The following USP32 variants were observed in gnomAD, a reference collection of about 807,000 sequenced individuals.
USP32 encodes ubiquitin specific peptidase 32.
In USP32, 59 loss-of-function variants were observed where a neutral mutation model predicts 204.8. The ratio of observed to expected loss-of-function variants is 0.29; its 90% CI spans 0.23 to 0.36. The LOEUF is 0.36. Ranked by LOEUF, USP32 falls within the 10% of genes least tolerant of loss-of-function variation. The pLI, the probability that USP32 is intolerant of heterozygous loss-of-function variation, is 1.00. For missense variants in USP32, 1,160 were observed against 1,946.4 expected, an observed-to-expected ratio of 0.60 and a Z score of 7.60; for synonymous variants, 517 against 678.4, an observed-to-expected ratio of 0.76 and a Z score of 3.70.
chr17:60,381,589 T>C (rs891857474), intron 1 of USP32, among the ~76,000 whole-genome samples: 1 of 152,206 alleles, frequency 6.6e-6, no homozygotes, highest in Non-Finnish European at 1.5e-5. Flanking sequence ...AAGGTACGTA[T>C]GCCCTATGGT....
At chr17:60,371,278 AT>A (rs1489827671) in intron 1 of USP32, among the ~76,000 whole-genome samples, 136 of 147,138 alleles carry the variant, frequency 9.2e-4, no homozygotes, top group Admixed American at 1.8e-3. Context: ...AAAAAAAAAA[AT>A]TAAATGGCCG....
intron 1 of USP32, among the ~76,000 whole-genome samples, chr17:60,403,917 G>C (rs1391294549): frequency 6.6e-6 from 1 of 151,942 alleles, no homozygotes; most frequent in Non-Finnish European, 1.5e-5. Context: ...GCACACGCCT[G>C]TGGGTCCCAG....
intron 26 of USP32, among the ~76,000 whole-genome samples, chr17:60,199,114 C>CA (rs374479254): frequency 0.011 from 910 of 80,962 alleles, 9 homozygotes; most frequent in South Asian, 0.033. Flanking sequence ...AGACCTGTCT[C>CA]AAAAAAAAAA....
In USP32 at chr17:60,188,109, T is replaced by C. The variant is rs373655607; in HGVS notation, c.3642+2454A>G. On this transcript the variant is annotated intron_variant, in intron 29 of 33. Coordinates refer to ENST00000300896, the MANE Select transcript of USP32 (RefSeq NM_032582.4). ...AGCCCTCCAACCTCAGCCTCCCAAG[T>C]AGCTGGGACTACAGGTGCACACCAC... Among the ~76,000 whole-genome samples the C allele has an allele frequency of 1.3e-3, 201 of 152,214 alleles. 1 individual carries two copies. The highest frequency in any genetic ancestry group is 4.5e-3 in the African/African-American group (188 of 41,540).
intron 30 of USP32, among the ~76,000 whole-genome samples, chr17:60,184,311 T>C (rs1409214267): frequency 8.0e-6 from 1 of 124,244 alleles, no homozygotes; most frequent in Non-Finnish European, 1.6e-5. Context: ...TGAGACTCCG[T>C]CTCAAAAAAA....
chr17:60,236,239 C>T lies in USP32; in HGVS notation c.1138G>A (p.Gly380Arg), dbSNP rs547938642. 1.2e-6 allele frequency: 2 copies of T among 1,613,132 alleles called. No individual in the cohort carries two copies. Among genetic ancestry groups the T allele is most frequent in the East Asian group, 2.2e-5 (1 of 44,846 alleles). ...TPEEEGQIIR[G>R]WLERESRYGL... ...TACCTGCTCTCTCGTTCTAACCATC[C>T]TCTGTATGTACAAAAGAAATTAAAT... Residue 380 changes from glycine to arginine, a missense_variant and splice_region_variant, in exon 12 of 34, where the codon GGA becomes AGA. Gly to Arg is a moderately radical substitution (Grantham distance 125). Transcript: ENST00000300896.
At chr17:60,322,809 C>A (rs2088145210) in intron 2 of USP32, among the ~76,000 whole-genome samples, 2 of 152,066 alleles carry the variant, frequency 1.3e-5, no homozygotes, top group South Asian at 4.1e-4. Flanking sequence ...ATGGATTGAG[C>A]CAATTATGCC....
chr17:60,261,464 T>C (rs1373411236), intron 9 of USP32, among the ~76,000 whole-genome samples: 1 of 151,906 alleles, frequency 6.6e-6, no homozygotes, highest in Non-Finnish European at 1.5e-5. Context: ...CTGGGTAACA[T>C]GGCAAAACCC....
At chr17:60,372,650 G>C (rs1320130572) in intron 1 of USP32, among the ~76,000 whole-genome samples, 1 of 150,804 alleles carries the variant, frequency 6.6e-6, no homozygotes, top group Non-Finnish European at 1.5e-5. Flanking sequence ...GACCAGTCTG[G>C]GTAACACAGT....
At chr17:60,296,688 T>C (rs2087438140) in intron 3 of USP32, among the ~76,000 whole-genome samples, 2 of 152,180 alleles carry the variant, frequency 1.3e-5, no homozygotes, top group South Asian at 4.1e-4. Flanking sequence ...AAATATGTGT[T>C]TGTGACTTAA....
intron 2 of USP32, chr17:60,305,339 T>A (rs1177172574): frequency 6.6e-6 from 1 of 152,078 alleles, no homozygotes; most frequent in Non-Finnish European, 1.5e-5. Context: ...GAGGAGGAAG[T>A]ACCAGGCTCC....
intron 1 of USP32, among the ~76,000 whole-genome samples, chr17:60,350,632 C>A (rs2088926055): frequency 6.6e-6 from 1 of 152,122 alleles, no homozygotes; most frequent in Non-Finnish European, 1.5e-5. Flanking sequence ...TATTAGTTAT[C>A]TTCGTATTAG....
chr17:60,183,980 AT>A (rs997116018), intron 30 of USP32, among the ~76,000 whole-genome samples: 4 of 151,934 alleles, frequency 2.6e-5, no homozygotes, highest in Non-Finnish European at 5.9e-5. Flanking sequence ...TTATACCTCA[AT>A]TTTTTTTAAA....
At chr17:60,283,672 C>CT (rs766137278) in intron 5 of USP32, among the ~76,000 whole-genome samples, 4,548 of 140,564 alleles carry the variant, frequency 0.032, 90 homozygotes, top group African/African-American at 0.063. Context: ...ACAAGTTTGC[C>CT]TTTTTTTTTT....
chr17:60,184,809 CAAAAAAAAA>C (rs35566339), intron 30 of USP32, among the ~76,000 whole-genome samples: 2 of 78,506 alleles, frequency 2.5e-5, no homozygotes, highest in African/African-American at 7.0e-5. Context: ...GACCCTGTCT[CAAAAAAAAA>C]AAAAAAAAAA....
At chr17:60,295,455 G>T (rs1419554647) in intron 3 of USP32, among the ~76,000 whole-genome samples, 1 of 152,168 alleles carries the variant, frequency 6.6e-6, no homozygotes, top group Admixed American at 6.6e-5. Flanking sequence ...GTCACCTGTG[G>T]TTAACAGAGG....
chr17:60,278,323 G>C (rs979270600), intron 5 of USP32, among the ~76,000 whole-genome samples: 3 of 151,944 alleles, frequency 2.0e-5, no homozygotes, highest in Non-Finnish European at 4.4e-5. Flanking sequence ...ATTATGTTTA[G>C]AGATGAGAAG....
At chr17:60,272,963 A>T (rs540615497) in intron 5 of USP32, among the ~76,000 whole-genome samples, 1 of 152,210 alleles carries the variant, frequency 6.6e-6, no homozygotes, top group South Asian at 2.1e-4. Flanking sequence ...ATGCCGGGAA[A>T]TTTGTTTTGT....
chr17:60,390,536 A>C (rs1368128790), intron 1 of USP32, among the ~76,000 whole-genome samples: 5 of 152,204 alleles, frequency 3.3e-5, no homozygotes, highest in Admixed American at 1.3e-4. Context: ...CTGTTCCACA[A>C]GGGAAAAAGA....
Sources: gnomAD v4.1 joint callset for allele counts (sites outside exome capture counted in the v4.1 genomes callset) on GRCh38, gnomAD v4.1.1 for gene constraint, MANE v1.5 for transcripts, NCBI Gene and HGNC (gene_info 2026-07-23, HGNC 2026-07-21) for gene names.